Variants in ARHGAP10 observed in about 807,000 individuals in gnomAD.
The protein encoded by ARHGAP10 is rho GTPase-activating protein 10.
Under a neutral mutation model 108.6 loss-of-function variants are expected in ARHGAP10, and 87 were observed. That is an observed-to-expected ratio of 0.80 (90% CI 0.67 to 0.96). The LOEUF is 0.96. Ranked by LOEUF, ARHGAP10 falls within the 40% of genes least tolerant of loss-of-function variation. The pLI, the probability that ARHGAP10 is intolerant of heterozygous loss-of-function variation, is 0.00. For missense variants in ARHGAP10, 939 were observed against 954.5 expected, an observed-to-expected ratio of 0.98 and a Z score of 0.21; for synonymous variants, 347 against 341.1, an observed-to-expected ratio of 1.02 and a Z score of -0.19.
At position 148,007,888 on chromosome 4, in the gene ARHGAP10, C is replaced by T. The variant is rs115529877; in HGVS notation, c.1717-15375C>T. On this transcript the variant is annotated intron_variant, in intron 18 of 22. Coordinates refer to ENST00000336498, the MANE Select transcript of ARHGAP10 (RefSeq NM_024605.4). Reference sequence around the variant, plus strand: ...TGCATGACTTAGCTTTGAATGTTCCCGGTCACAGTCTTCGGAGACACTTCC... The same window carrying T: ...TGCATGACTTAGCTTTGAATGTTCCTGGTCACAGTCTTCGGAGACACTTCC... Among the ~76,000 whole-genome samples the T allele has an allele frequency of 6.6e-3, 1,008 of 152,172 alleles. 9 individuals carry two copies. Among genetic ancestry groups the T allele is most frequent in the African/African-American group, 0.02 (843 of 41,536 alleles).
chr4:147,735,572 A>T (rs1344340455), intron 1 of ARHGAP10, among the ~76,000 whole-genome samples: 1 of 152,240 alleles, frequency 6.6e-6, no homozygotes, highest in Non-Finnish European at 1.5e-5. Flanking sequence ...GAGGGCCATA[A>T]AAACAAGGTT....
chr4:148,001,397 G>A (rs1020341070), intron 18 of ARHGAP10, among the ~76,000 whole-genome samples: 3 of 152,112 alleles, frequency 2.0e-5, no homozygotes, highest in Non-Finnish European at 4.4e-5. Flanking sequence ...GGCAATGCGG[G>A]CCCTTTTTTG....
At chr4:147,911,071 TTC>T (rs1376354219) in intron 12 of ARHGAP10, among the ~76,000 whole-genome samples, 2 of 152,156 alleles carry the variant, frequency 1.3e-5, no homozygotes, top group Non-Finnish European at 1.5e-5. Flanking sequence ...TTTCCTTCTT[TTC>T]TCTTTTTCCC....
intron 10 of ARHGAP10, among the ~76,000 whole-genome samples, chr4:147,887,405 C>T (rs1238520465): frequency 6.7e-6 from 1 of 149,894 alleles, no homozygotes; most frequent in Non-Finnish European, 1.5e-5. Context: ...AGTTTTGGCT[C>T]CCGGCAGCAA....
chr4:147,935,588 AAAG>A (rs1737894700), intron 13 of ARHGAP10, among the ~76,000 whole-genome samples: 1 of 152,230 alleles, frequency 6.6e-6, no homozygotes, highest in Non-Finnish European at 1.5e-5. Context: ...GAAATTTGGA[AAAG>A]AAGCTGGAAA....
chr4:147,799,807 G>T (rs750903096), intron 1 of ARHGAP10, among the ~76,000 whole-genome samples: 2 of 152,152 alleles, frequency 1.3e-5, no homozygotes, highest in Non-Finnish European at 2.9e-5. Context: ...CAGGGTTAGG[G>T]TCAGTTTTTT....
intron 14 of ARHGAP10, among the ~76,000 whole-genome samples, chr4:147,945,338 C>T (rs990592932): frequency 1.3e-5 from 2 of 151,892 alleles, no homozygotes; most frequent in Non-Finnish European, 2.9e-5. Flanking sequence ...ACTTACTAGC[C>T]GTTTTGAATT....
intron 18 of ARHGAP10, among the ~76,000 whole-genome samples, chr4:147,989,854 C>T (rs979862127): frequency 7.9e-5 from 12 of 152,170 alleles, no homozygotes; most frequent in African/African-American, 1.7e-4. Context: ...TAGGAAATCA[C>T]AAGGATATTG....
At chr4:147,989,533 G>A (rs1009921599) in intron 18 of ARHGAP10, among the ~76,000 whole-genome samples, 15 of 152,180 alleles carry the variant, frequency 9.9e-5, no homozygotes, top group African/African-American at 3.1e-4. Flanking sequence ...ACCCCTAGGT[G>A]CGCATTCCCT....
chr4:148,050,002 G>T (rs1237362392), intron 20 of ARHGAP10, among the ~76,000 whole-genome samples: 1 of 151,920 alleles, frequency 6.6e-6, no homozygotes, highest in Non-Finnish European at 1.5e-5. Context: ...CCAGTAGCTG[G>T]GATTACAGGC....
intron 1 of ARHGAP10, among the ~76,000 whole-genome samples, chr4:147,759,587 C>A (rs919362820): frequency 2.0e-5 from 3 of 151,640 alleles, no homozygotes; most frequent in Non-Finnish European, 2.9e-5. Context: ...ACCGCCCCCC[C>A]CCCCCTTTAA....
At chr4:147,907,711 T>G (rs1736555724) in intron 11 of ARHGAP10, among the ~76,000 whole-genome samples, 1 of 152,128 alleles carries the variant, frequency 6.6e-6, no homozygotes, top group Non-Finnish European at 1.5e-5. Context: ...AAACCTAAAT[T>G]AACATAGTAT....
intron 17 of ARHGAP10, among the ~76,000 whole-genome samples, chr4:147,965,764 C>A (rs982311858): frequency 6.6e-6 from 1 of 152,112 alleles, no homozygotes; most frequent in Non-Finnish European, 1.5e-5. Flanking sequence ...TTAGTGAATG[C>A]CTTTCTTAGG....
At chr4:148,014,793 C>T (rs559288011) in intron 18 of ARHGAP10, among the ~76,000 whole-genome samples, 19 of 152,150 alleles carry the variant, frequency 1.2e-4, no homozygotes, top group African/African-American at 4.3e-4. Context: ...AGAGTGCTAC[C>T]GAAATCAATA....
In ARHGAP10 at chr4:147,883,461, G is replaced by T. The variant is rs576647936; in HGVS notation, c.1034+1529G>T. On this transcript the variant is annotated intron_variant, in intron 10 of 22. Coordinates refer to ENST00000336498, the MANE Select transcript of ARHGAP10 (RefSeq NM_024605.4). ...ATCTGTGCGCACACACCCATGGGTG[G>T]CATTGGATTCCTTTCTGAGTGCCAC... Among the ~76,000 whole-genome samples the T allele has an allele frequency of 1.4e-4, 21 of 152,286 alleles. No individual in the cohort carries two copies. In the East Asian group the frequency reaches 4.1e-3, roughly 29 times the overall value.
chr4:147,822,783 T>C lies in ARHGAP10; in HGVS notation c.211T>C (p.Phe71Leu), dbSNP rs745526091. 13 of 1,614,098 alleles carry C rather than the reference T, an allele frequency of 8.1e-6. No individual in the cohort carries two copies. The highest frequency in any genetic ancestry group is 1.1e-5 in the Non-Finnish European group (13 of 1,180,050). Reference protein sequence around the residue: ...AHSLRDFKFEFIGDAVTDDER... With the variant: ...AHSLRDFKFELIGDAVTDDER... The stretch of plus-strand genomic sequence containing the variant: ...TTCACTCAGAGACTTTAAGTTTGAG[T>C]TTATCGGTGATGCTGTGACAGATGA... Residue 71 changes from phenylalanine (F) to leucine (L), a missense_variant, in exon 2 of 23, where the codon TTT becomes CTT. By Grantham distance (22) the Phe-to-Leu change is conservative. Coordinates refer to ENST00000336498, the MANE Select transcript of ARHGAP10 (RefSeq NM_024605.4).
At chr4:147,999,808 C>T (rs952392018) in intron 18 of ARHGAP10, among the ~76,000 whole-genome samples, 3 of 152,178 alleles carry the variant, frequency 2.0e-5, no homozygotes, top group Non-Finnish European at 2.9e-5. Flanking sequence ...GCAAGGACCC[C>T]TGCCCTGCCC....
rs1267880894 is a variant in ARHGAP10, at chr4:147,955,350, C to T, written c.1426C>T (p.His476Tyr). Residue 476 changes from histidine (H) to tyrosine (Y), a missense_variant, in exon 16 of 23, where the codon CAT becomes TAT. Physicochemically the swap from His to Tyr is moderately conservative, Grantham distance 83. Coordinates refer to ENST00000336498, the MANE Select transcript of ARHGAP10 (RefSeq NM_024605.4). ...LPEPLMTYEL[H>Y]GDFIVPAKSG... is the part of the protein sequence containing the mutation. ...AGAGCCTCTCATGACCTATGAGTTA[C>T]ATGGAGATTTCATTGTTCCAGCCAG... The T allele has an allele frequency of 1.2e-6, 2 of 1,611,504 alleles. No homozygotes were observed. Among genetic ancestry groups the T allele is most frequent in the Non-Finnish European group, 1.7e-6 (2 of 1,178,164 alleles).
intron 1 of ARHGAP10, among the ~76,000 whole-genome samples, chr4:147,798,727 CT>C (rs1387594158): frequency 2.9e-3 from 33 of 11,404 alleles, no homozygotes; most frequent in South Asian, 9.5e-3. Context: ...TTGAGACACT[CT>C]CTCTCTCTCT....
Sources: allele counts gnomAD v4.1 joint callset (sites outside exome capture counted in the v4.1 genomes callset), GRCh38; gene constraint gnomAD v4.1.1; transcripts MANE v1.5; gene names NCBI Gene and HGNC (gene_info 2026-07-23, HGNC 2026-07-21).